PTPRD: variants seen among roughly 807,000 people sequenced by gnomAD.
PTPRD encodes the protein receptor-type tyrosine-protein phosphatase delta.
A neutral mutation model predicts 214.5 loss-of-function variants in PTPRD; 34 were observed. The ratio of observed to expected loss-of-function variants is 0.16; its 90% CI spans 0.12 to 0.21. The LOEUF (loss-of-function observed/expected upper bound fraction) is 0.21, where lower values mean the gene tolerates loss of function less well. PTPRD is among the 10% of genes least tolerant of loss of function. PTPRD has a pLI of 1.00. For missense variants in PTPRD, 2,545 were observed against 2,398.7 expected, an observed-to-expected ratio of 1.06 and a Z score of -1.27; for synonymous variants, 1,128 against 845.7, an observed-to-expected ratio of 1.33 and a Z score of -5.79.
At position 8,719,705 on chromosome 9, in the gene PTPRD, A is replaced by G. The variant is rs150518552; in HGVS notation, c.64+14075T>C. Among the ~76,000 whole-genome samples the G allele has an allele frequency of 3.8e-3, 572 of 152,292 alleles. 17 individuals are homozygous for G. The highest frequency in any genetic ancestry group is 0.035 in the East Asian group (181 of 5,180). On this transcript the variant is annotated intron_variant, in intron 12 of 45. Coordinates refer to ENST00000381196, the MANE Select transcript of PTPRD (RefSeq NM_002839.4). ...GAATAGCTGTGATAGAGACCCACAA[A>G]GCCAACAATATTTACCATATAGCTC...
chr9:10,290,402 G>T (rs1335083229), intron 3 of PTPRD, among the ~76,000 whole-genome samples: 1 of 152,042 alleles, frequency 6.6e-6, no homozygotes, highest in African/African-American at 2.4e-5. Flanking sequence ...CATAAATCAG[G>T]TTCCGACTGA....
At chr9:9,071,194 C>A (rs1206835336) in intron 10 of PTPRD, among the ~76,000 whole-genome samples, 1 of 152,186 alleles carries the variant, frequency 6.6e-6, no homozygotes, top group Non-Finnish European at 1.5e-5. Flanking sequence ...GAGTGGCTTG[C>A]ATGACCCTTT....
chr9:9,176,350 G>C (rs1309350214), intron 10 of PTPRD, among the ~76,000 whole-genome samples: 2 of 152,162 alleles, frequency 1.3e-5, no homozygotes, highest in East Asian at 1.9e-4. Flanking sequence ...GGAGGAGTTA[G>C]AAGTCAGTCT....
At chr9:8,425,402 C>T (rs1431618575) in intron 35 of PTPRD, among the ~76,000 whole-genome samples, 1 of 151,916 alleles carries the variant, frequency 6.6e-6, no homozygotes. Flanking sequence ...TATGACCTTT[C>T]AAGGGTGTAA....
At chr9:8,813,049 T>C (rs953171052) in intron 11 of PTPRD, among the ~76,000 whole-genome samples, 2 of 152,162 alleles carry the variant, frequency 1.3e-5, no homozygotes, top group Non-Finnish European at 2.9e-5. Context: ...CTACACTGCA[T>C]AGCTATGAAA....
At chr9:8,808,462 C>CTTT (rs34627797) in intron 11 of PTPRD, among the ~76,000 whole-genome samples, 80 of 98,786 alleles carry the variant, frequency 8.1e-4, no homozygotes, top group African/African-American at 3.0e-3. Flanking sequence ...AGCCCCCCAC[C>CTTT]TTTTTTTTTT....
At position 10,007,749 on chromosome 9, in the gene PTPRD, T is replaced by TA. The variant is rs538273579; in HGVS notation, c.-472+25968dup. ...TAAAATTGTGAATAGCTTCAGCATTTAAAAAAATATATATTTAAAATACTA... is the reference window on the plus strand; with the variant it reads ...TAAAATTGTGAATAGCTTCAGCATTTAAAAAAAATATATATTTAAAATACTA... On this transcript the variant is annotated intron_variant, in intron 4 of 45. Transcript: ENST00000381196. Among the ~76,000 whole-genome samples the TA allele has an allele frequency of 1.2e-3, 180 of 152,070 alleles. 1 individual carries two copies. Among genetic ancestry groups the TA allele is most frequent in the Non-Finnish European group, 1.9e-3 (129 of 67,932 alleles).
At chr9:9,617,370 A>C (rs1323956794) in intron 7 of PTPRD, among the ~76,000 whole-genome samples, 1 of 152,192 alleles carries the variant, frequency 6.6e-6, no homozygotes, top group Non-Finnish European at 1.5e-5. Context: ...AGCTGATTGT[A>C]CTACTGGGTA....
intron 2 of PTPRD, among the ~76,000 whole-genome samples, chr9:10,594,775 T>C (rs567952442): frequency 2.6e-5 from 4 of 151,988 alleles, no homozygotes; most frequent in Non-Finnish European, 5.9e-5. Context: ...AGGTGTGTGG[T>C]AGGGGCAGCT....
chr9:9,019,674 C>G (rs1480183350), intron 10 of PTPRD, among the ~76,000 whole-genome samples: 1 of 152,114 alleles, frequency 6.6e-6, no homozygotes, highest in Non-Finnish European at 1.5e-5. Flanking sequence ...CCACTGCACT[C>G]CATCCCAGGT....
chr9:9,501,790 G>C (rs891983115), intron 8 of PTPRD, among the ~76,000 whole-genome samples: 2 of 151,186 alleles, frequency 1.3e-5, no homozygotes, highest in African/African-American at 4.9e-5. Context: ...GAAATGAAAT[G>C]GCAAAATTTT....
intron 7 of PTPRD, among the ~76,000 whole-genome samples, chr9:9,591,588 A>T (rs538810354): frequency 1.3e-5 from 2 of 152,184 alleles, no homozygotes; most frequent in South Asian, 4.1e-4. Context: ...TAATGGCGGC[A>T]ACTTAAGAAA....
chr9:9,639,273 G>C (rs921808764), intron 7 of PTPRD, among the ~76,000 whole-genome samples: 12 of 152,132 alleles, frequency 7.9e-5, no homozygotes, highest in African/African-American at 2.9e-4. Flanking sequence ...CATCATTTTA[G>C]TGCTAGCATC....
At chr9:9,093,648 C>G (rs2099779418) in intron 10 of PTPRD, among the ~76,000 whole-genome samples, 1 of 148,676 alleles carries the variant, frequency 6.7e-6, no homozygotes, top group Non-Finnish European at 1.5e-5. Context: ...AAATTAAAAA[C>G]ACAACCTGTT....
intron 11 of PTPRD, among the ~76,000 whole-genome samples, chr9:8,825,367 A>T (rs1338892410): frequency 6.6e-6 from 1 of 152,222 alleles, no homozygotes; most frequent in East Asian, 1.9e-4. Flanking sequence ...TGACAAAAGA[A>T]AACAGATGTT....
chr9:9,523,400 A>T (rs914613303), intron 8 of PTPRD, among the ~76,000 whole-genome samples: 3 of 152,196 alleles, frequency 2.0e-5, no homozygotes, highest in Middle Eastern at 3.2e-3. Flanking sequence ...TTATTCAAAA[A>T]GATTCATTTC....
At chr9:10,555,686 C>T (rs2062402219) in intron 2 of PTPRD, among the ~76,000 whole-genome samples, 1 of 151,832 alleles carries the variant, frequency 6.6e-6, no homozygotes, top group Non-Finnish European at 1.5e-5. Context: ...ACAAATATGC[C>T]CTGAAATTTG....
intron 2 of PTPRD, among the ~76,000 whole-genome samples, chr9:10,475,001 G>A (rs1260672626): frequency 6.6e-6 from 1 of 151,978 alleles, no homozygotes; most frequent in African/African-American, 2.4e-5. Flanking sequence ...AGAGGGAAAT[G>A]TATAGTACTA....
At chr9:8,905,465 G>A (rs1023662250) in intron 11 of PTPRD, among the ~76,000 whole-genome samples, 1 of 152,082 alleles carries the variant, frequency 6.6e-6, no homozygotes, top group Non-Finnish European at 1.5e-5. Context: ...CCAGCCGGAC[G>A]TCGTGGCTCA....
Sources: gnomAD v4.1 joint callset for allele counts (sites outside exome capture counted in the v4.1 genomes callset) on GRCh38, gnomAD v4.1.1 for gene constraint, MANE v1.5 for transcripts, NCBI Gene and HGNC (gene_info 2026-07-23, HGNC 2026-07-21) for gene names.